Variants in HPSE2 observed in about 807,000 individuals in gnomAD.
HPSE2 encodes the protein heparanase 2 (inactive), also known as inactive heparanase-2.
In HPSE2, 38 loss-of-function variants were observed where a neutral mutation model predicts 60.5. The observed-to-expected ratio is 0.63, with a 90% confidence interval of 0.48 to 0.82. The LOEUF (loss-of-function observed/expected upper bound fraction) is 0.82, where lower values mean the gene tolerates loss of function less well. Among genes scored for constraint, HPSE2 ranks in the 40% least tolerant of loss-of-function variants. HPSE2 has a pLI of 0.00. For missense variants in HPSE2, 713 were observed against 740.4 expected (o/e 0.96, Z 0.43); for synonymous variants, 295 against 293.2 (o/e 1.01, Z -0.06).
chr10:98,862,727 G>T (rs1952488169), intron 3 of HPSE2, among the ~76,000 whole-genome samples: 1 of 152,120 alleles, frequency 6.6e-6, no homozygotes. Flanking sequence ...GGGGCGATTA[G>T]GACTCTTGGG....
At chr10:98,596,246 T>C (rs1257967164) in intron 9 of HPSE2, among the ~76,000 whole-genome samples, 1 of 152,210 alleles carries the variant, frequency 6.6e-6, no homozygotes, top group Non-Finnish European at 1.5e-5. Context: ...TACTCTCTGC[T>C]CCCACATTTT....
rs1956322044 is a variant in HPSE2, at chr10:98,985,576, G to T, written c.610+158662C>A. Among the ~76,000 whole-genome samples, 3 of 152,282 alleles carry T rather than the reference G, an allele frequency of 2.0e-5. No individual in the cohort carries two copies. In the South Asian group the frequency reaches 6.2e-4, roughly 32 times the overall value. ...AGACCATCAAGGCTAGGAAGAAACT[G>T]CATCAACTAACGAGCAAAATAACCA... On this transcript the variant is annotated intron_variant, in intron 3 of 11. Transcript: ENST00000370552.
intron 7 of HPSE2, among the ~76,000 whole-genome samples, chr10:98,633,135 T>A (rs1163011882): frequency 6.6e-6 from 1 of 152,210 alleles, no homozygotes; most frequent in Non-Finnish European, 1.5e-5. Context: ...GATGATGATC[T>A]GCTTCCACTT....
At chr10:99,105,904 A>T (rs948987262) in intron 3 of HPSE2, among the ~76,000 whole-genome samples, 2 of 152,048 alleles carry the variant, frequency 1.3e-5, no homozygotes, top group African/African-American at 4.8e-5. Context: ...TATTGTTTTA[A>T]TACCTTTGTC....
At chr10:98,497,584 T>G (rs1261530253) in intron 9 of HPSE2, among the ~76,000 whole-genome samples, 1 of 152,184 alleles carries the variant, frequency 6.6e-6, no homozygotes, top group Non-Finnish European at 1.5e-5. Flanking sequence ...CAAACTTTTC[T>G]TATTTAGGCA....
chr10:98,759,457 A>G (rs926804696), intron 3 of HPSE2, among the ~76,000 whole-genome samples: 29 of 152,112 alleles, frequency 1.9e-4, no homozygotes, highest in African/African-American at 6.3e-4. Flanking sequence ...TCCATTTTGA[A>G]TTAAATTTTG....
At chr10:98,790,517 T>C (rs922990708) in intron 3 of HPSE2, among the ~76,000 whole-genome samples, 1 of 152,190 alleles carries the variant, frequency 6.6e-6, no homozygotes, top group Non-Finnish European at 1.5e-5. Flanking sequence ...AGGGAATATG[T>C]TGATCAAAGG....
chr10:98,751,598 A>G (rs1301900810), intron 3 of HPSE2, among the ~76,000 whole-genome samples: 1 of 152,192 alleles, frequency 6.6e-6, no homozygotes, highest in Non-Finnish European at 1.5e-5. Flanking sequence ...CAGAAGGAAA[A>G]ATGGGTGCCT....
Position 98,459,296 on chromosome 10 carries a change from A to C in HPSE2, c.*278T>G. On this transcript the variant is annotated 3_prime_UTR_variant, in exon 12 of 12. Coordinates refer to ENST00000370552, the MANE Select transcript of HPSE2 (RefSeq NM_021828.5). ...GAGTGTGCTGTCAGCTCGTTTTCAT[A>C]GTGCACATGAAGGGAAACATTCTGC... 2 of 440,696 alleles carry C rather than the reference A, an allele frequency of 4.5e-6. No individual in the cohort carries two copies. Among genetic ancestry groups the C allele is most frequent in the Admixed American group, 3.4e-5 (1 of 29,208 alleles). The allele number at this position is 440,696 out of a possible 1,614,324, so 27.3% of individuals were successfully genotyped here.
intron 2 of HPSE2, among the ~76,000 whole-genome samples, chr10:99,164,189 A>G (rs4113579): frequency 0.49 from 65,107 of 132,938 alleles, 18,210 homozygotes; most frequent in East Asian, 0.66. Context: ...TATAAGGAAG[A>G]GAGTTGTCTC....
chr10:98,806,601 G>A (rs1162688035), intron 3 of HPSE2, among the ~76,000 whole-genome samples: 1 of 152,138 alleles, frequency 6.6e-6, no homozygotes, highest in Non-Finnish European at 1.5e-5. Context: ...AAAGTGCTTT[G>A]TGAAAAACAA....
At chr10:99,283,340 A>G in the HPSE2 span, among the ~76,000 whole-genome samples, 1 of 151,918 alleles carries the variant, frequency 6.6e-6, no homozygotes, top group Non-Finnish European at 1.5e-5. Context: ...AGAGAAAAAA[A>G]TAAGAGAAAA....
At chr10:99,092,047 G>A (rs929564851) in intron 3 of HPSE2, among the ~76,000 whole-genome samples, 2 of 152,062 alleles carry the variant, frequency 1.3e-5, no homozygotes, top group South Asian at 2.1e-4. Flanking sequence ...GGGAAAGTGG[G>A]GAGAAAACAG....
intron 3 of HPSE2, among the ~76,000 whole-genome samples, chr10:98,942,561 C>T (rs1955043202): frequency 1.3e-5 from 2 of 151,972 alleles, no homozygotes; most frequent in East Asian, 3.9e-4. Context: ...GAATGGCAAT[C>T]ATTAAAAAGT....
At chr10:99,274,666 A>ATT in the HPSE2 span, among the ~76,000 whole-genome samples, 1 of 152,178 alleles carries the variant, frequency 6.6e-6, no homozygotes, top group East Asian at 1.9e-4. Flanking sequence ...GAGAGAGAAC[A>ATT]TTTCCAGGAG....
intron 9 of HPSE2, among the ~76,000 whole-genome samples, chr10:98,523,273 C>T (rs1942858329): frequency 6.6e-6 from 1 of 152,076 alleles, no homozygotes; most frequent in South Asian, 2.1e-4. Flanking sequence ...TCAGTAACTG[C>T]CTTTGATATT....
rs1169226992 is a variant in HPSE2, at chr10:99,235,580, T to C, written c.223A>G (p.Asn75Asp). The C allele has an allele frequency of 6.2e-7, 1 of 1,614,046 alleles. No homozygotes were observed. The highest frequency in any genetic ancestry group is 1.3e-5 in the African/African-American group (1 of 75,014). Residue 75 changes from asparagine (N) to aspartate (D), a missense_variant, in exon 1 of 12, where the codon AAT becomes GAT. By Grantham distance (23) the Asn-to-Asp change is conservative. Coordinates refer to ENST00000370552, the MANE Select transcript of HPSE2 (RefSeq NM_021828.5). ...VSTKNPVRTV[N>D]ENFLSLQLDP... The stretch of plus-strand genomic sequence containing the variant: ...AGCTGCAGAGAGAGGAAGTTCTCAT[T>C]GACTGTCCTGACTGGGTTCTTGGTG...
At chr10:98,536,786 T>C (rs1368367197) in intron 9 of HPSE2, among the ~76,000 whole-genome samples, 1 of 152,182 alleles carries the variant, frequency 6.6e-6, no homozygotes, top group Non-Finnish European at 1.5e-5. Context: ...GCACTGGGAT[T>C]GCAGCCATGA....
At chr10:98,639,268 C>G (rs1946577056) in intron 7 of HPSE2, among the ~76,000 whole-genome samples, 2 of 152,152 alleles carry the variant, frequency 1.3e-5, no homozygotes, top group Non-Finnish European at 2.9e-5. Context: ...ACAAACCATT[C>G]CCTCTGTACC....
Sources: allele counts gnomAD v4.1 joint callset (sites outside exome capture counted in the v4.1 genomes callset), GRCh38; gene constraint gnomAD v4.1.1; transcripts MANE v1.5; gene names NCBI Gene and HGNC (gene_info 2026-07-23, HGNC 2026-07-21).